Variants in CCDC192 observed in about 807,000 individuals in gnomAD.
The protein encoded by CCDC192 is coiled-coil domain containing 192.
intron 6 of CCDC192, among the ~76,000 whole-genome samples, chr5:127,887,406 A>G (rs1752601284): frequency 6.6e-6 from 1 of 151,622 alleles, no homozygotes; most frequent in South Asian, 2.1e-4. Context: ...TAGGCTGTCT[A>G]TAATAGGATT....
At chr5:127,848,966 G>A (rs1157691849) in intron 5 of CCDC192, among the ~76,000 whole-genome samples, 2 of 152,104 alleles carry the variant, frequency 1.3e-5, no homozygotes, top group South Asian at 2.1e-4. Context: ...GTGGTGGCTC[G>A]TACCTGTAAT....
Position 127,703,481 on chromosome 5 carries a change from A to G in CCDC192, c.36A>G (p.Pro12=). Residue 12 remains proline, a synonymous_variant, in exon 1 of 7, where the codon CCA becomes CCG. Coordinates refer to ENST00000514853, the MANE Select transcript of CCDC192 (RefSeq NM_001317938.2). The part of the protein sequence containing the change: ...GQCYSKKSVV[P]ESDTSERSSM... Reference sequence around the variant, plus strand: ...GCTATAGCAAGAAATCTGTGGTCCCAGAGTCTGACACCTCAGAGAGAAGCA... The same window carrying G: ...GCTATAGCAAGAAATCTGTGGTCCCGGAGTCTGACACCTCAGAGAGAAGCA... 1 of 399,012 alleles carries G rather than the reference A, an allele frequency of 2.5e-6. No homozygotes were observed. The highest frequency in any genetic ancestry group is 1.3e-4 in the South Asian group (1 of 7,852). 24.7% of individuals were successfully genotyped at this position (399,012 alleles called of 1,614,324 possible). A position where few individuals can be genotyped will look rare whatever the true frequency, so the allele number is the denominator to read the frequency against.
At chr5:127,804,117 A>G (rs189392084) in intron 5 of CCDC192, among the ~76,000 whole-genome samples, 1 of 152,290 alleles carries the variant, frequency 6.6e-6, no homozygotes, top group East Asian at 1.9e-4. Context: ...TACTTTCTAA[A>G]TTAAGAATCT....
chr5:127,799,074 C>T (rs1757334231), intron 5 of CCDC192, among the ~76,000 whole-genome samples: 1 of 152,136 alleles, frequency 6.6e-6, no homozygotes, highest in African/African-American at 2.4e-5. Context: ...CACATCTTGG[C>T]TGCTATGGAA....
chr5:127,763,371 A>G (rs1755037316), intron 3 of CCDC192, among the ~76,000 whole-genome samples: 1 of 152,104 alleles, frequency 6.6e-6, no homozygotes, highest in Non-Finnish European at 1.5e-5. Context: ...TGAGTACTAC[A>G]GGTGATGACT....
At chr5:127,858,309 T>A (rs1392366467) in intron 5 of CCDC192, among the ~76,000 whole-genome samples, 1 of 152,198 alleles carries the variant, frequency 6.6e-6, no homozygotes, top group Non-Finnish European at 1.5e-5. Context: ...CAGGCCCTGG[T>A]GCTCACCATT....
chr5:127,738,048 T>C (rs1753134033), intron 2 of CCDC192, among the ~76,000 whole-genome samples: 1 of 152,186 alleles, frequency 6.6e-6, no homozygotes, highest in Admixed American at 6.5e-5. Flanking sequence ...CATTTTGGCA[T>C]GATTTTGCAA....
At chr5:127,718,489 TGTGCTGTGTA>T (rs59102618) in intron 2 of CCDC192, among the ~76,000 whole-genome samples, 46,788 of 151,838 alleles carry the variant, frequency 0.31, 7,493 homozygotes, top group South Asian at 0.42. Context: ...CATACTAATT[TGTGCTGTGTA>T]GTGCTGGCAC....
At chr5:127,787,775 T>C (rs377464555) in intron 3 of CCDC192, among the ~76,000 whole-genome samples, 2 of 152,308 alleles carry the variant, frequency 1.3e-5, no homozygotes, top group East Asian at 3.9e-4. Flanking sequence ...GTAATTCAAG[T>C]CTATTTTCTT....
intron 6 of CCDC192, among the ~76,000 whole-genome samples, chr5:127,902,472 G>A (rs1580811050): frequency 1.3e-5 from 2 of 151,918 alleles, no homozygotes; most frequent in East Asian, 3.9e-4. Context: ...CTCTCATTTA[G>A]TTTAGGGAAT....
intron 3 of CCDC192, among the ~76,000 whole-genome samples, chr5:127,774,288 A>AT (rs1226457204): frequency 3.3e-5 from 5 of 152,014 alleles, no homozygotes; most frequent in African/African-American, 1.2e-4. Context: ...TATTTTTAAC[A>AT]TTTTTTGTGT....
chr5:127,724,871 AGAAAC>A (rs1364045000), intron 2 of CCDC192, among the ~76,000 whole-genome samples: 2 of 151,904 alleles, frequency 1.3e-5, no homozygotes, highest in Middle Eastern at 3.4e-3. Flanking sequence ...AAAGAAGAAA[AGAAAC>A]GTCTAGTTTC....
chr5:127,774,750 A>G (rs752421664), intron 3 of CCDC192, among the ~76,000 whole-genome samples: 1 of 152,160 alleles, frequency 6.6e-6, no homozygotes, highest in Non-Finnish European at 1.5e-5. Flanking sequence ...TTGAGATTTC[A>G]TATGAATTTT....
At chr5:127,852,172 C>T (rs956989867) in intron 5 of CCDC192, among the ~76,000 whole-genome samples, 1 of 152,182 alleles carries the variant, frequency 6.6e-6, no homozygotes, top group African/African-American at 2.4e-5. Flanking sequence ...CCTTGACTTC[C>T]CCTTCAATTA....
At chr5:127,775,478 G>A (rs986977879) in intron 3 of CCDC192, among the ~76,000 whole-genome samples, 15 of 152,164 alleles carry the variant, frequency 9.9e-5, no homozygotes, top group African/African-American at 3.6e-4. Flanking sequence ...ACCAACTCCA[G>A]TGCTTTTCTG....
chr5:127,797,380 G>C, intron 4 of CCDC192, 146 bp downstream of exon 4: 1 of 362,408 alleles, frequency 2.8e-6, no homozygotes. Flanking sequence ...TTTGCTAAAA[G>C]TAATTTTATT....
chr5:127,702,418 C>T (rs1750745087), upstream of CCDC192, among the ~76,000 whole-genome samples: 1 of 152,204 alleles, frequency 6.6e-6, no homozygotes, highest in East Asian at 1.9e-4. Flanking sequence ...ACAACAACCG[C>T]TCAATAGTTC....
intron 6 of CCDC192, among the ~76,000 whole-genome samples, chr5:127,888,788 A>C (rs1018748301): frequency 6.4e-4 from 97 of 152,320 alleles, no homozygotes; most frequent in African/African-American, 1.9e-3. Context: ...ACTGTGGCAG[A>C]AGAAGACAGT....
intron 6 of CCDC192, among the ~76,000 whole-genome samples, chr5:127,915,533 C>T (rs190089522): frequency 5.3e-5 from 8 of 152,272 alleles, no homozygotes; most frequent in East Asian, 1.9e-4. Context: ...AGGCACGCAC[C>T]GCCATGACCA....
Sources: gnomAD v4.1 joint callset for allele counts (sites outside exome capture counted in the v4.1 genomes callset) on GRCh38, gnomAD v4.1.1 for gene constraint, MANE v1.5 for transcripts, NCBI Gene and HGNC (gene_info 2026-07-23, HGNC 2026-07-21) for gene names.